Variants in ARHGAP24 observed in about 807,000 individuals in gnomAD.
ARHGAP24 encodes rho GTPase-activating protein 24.
A neutral mutation model predicts 76.4 loss-of-function variants in ARHGAP24; 50 were observed. That is an observed-to-expected ratio of 0.65 (90% CI 0.52 to 0.83). The LOEUF is 0.83. ARHGAP24 is among the 40% of genes least tolerant of loss of function. The probability of loss-of-function intolerance (pLI) is 0.00; values close to 1 mark genes in which losing one functional copy is unlikely to be tolerated. For synonymous variants in ARHGAP24, 345 were observed against 323.3 expected (o/e 1.07, Z -0.72); for missense variants, 930 against 914.2 (o/e 1.02, Z -0.22).
chr4:85,568,876 T>C (rs922298428), intron 1 of ARHGAP24, among the ~76,000 whole-genome samples: 4 of 152,180 alleles, frequency 2.6e-5, no homozygotes, highest in Non-Finnish European at 4.4e-5. Flanking sequence ...TAGTGATAGA[T>C]TGAAATATAT....
At chr4:85,961,432 A>G (rs1477513524) in intron 5 of ARHGAP24, among the ~76,000 whole-genome samples, 1 of 152,056 alleles carries the variant, frequency 6.6e-6, no homozygotes, top group African/African-American at 2.4e-5. Context: ...GCGTAAAACT[A>G]GGCTTCTAGT....
intron 3 of ARHGAP24, among the ~76,000 whole-genome samples, chr4:85,754,781 A>C (rs930592353): frequency 2.6e-5 from 4 of 152,254 alleles, no homozygotes; most frequent in African/African-American, 7.2e-5. Context: ...TGGAAAGGGC[A>C]TGAACTTAGA....
chr4:85,586,699 A>G (rs1578057590), intron 2 of ARHGAP24, among the ~76,000 whole-genome samples: 1 of 152,046 alleles, frequency 6.6e-6, no homozygotes, highest in Non-Finnish European at 1.5e-5. Context: ...GGAGCTGGAG[A>G]CCAGCCTGGC....
intron 1 of ARHGAP24, among the ~76,000 whole-genome samples, chr4:85,565,068 T>C (rs1726785009): frequency 6.6e-6 from 1 of 150,682 alleles, no homozygotes; most frequent in African/African-American, 2.4e-5. Flanking sequence ...CTCATTTCTT[T>C]TGTAAGTTTT....
rs546292039 is a variant in ARHGAP24, at chr4:85,772,206, G to A, written c.268+50234G>A. ...TGATACTATCATCGTCTTTAGGTCA[G>A]TATTAATTCCCACTTCATAGGTAGG... On this transcript the variant is annotated intron_variant, in intron 3 of 9. Coordinates refer to ENST00000395184, the MANE Select transcript of ARHGAP24 (RefSeq NM_001025616.3). Among the ~76,000 whole-genome samples the A allele has an allele frequency of 3.5e-4, 54 of 152,288 alleles. 1 individual carries two copies. Among genetic ancestry groups the A allele is most frequent in the Admixed American group, 3.3e-3 (50 of 15,290 alleles).
intron 2 of ARHGAP24, among the ~76,000 whole-genome samples, chr4:85,663,968 G>T (rs1032180509): frequency 1.3e-5 from 2 of 151,810 alleles, no homozygotes; most frequent in Non-Finnish European, 2.9e-5. Flanking sequence ...AAGGATATTG[G>T]TCTAAAATTC....
intron 2 of ARHGAP24, among the ~76,000 whole-genome samples, chr4:85,700,329 G>A (rs777633475): frequency 6.6e-6 from 1 of 151,630 alleles, no homozygotes; most frequent in Non-Finnish European, 1.5e-5. Context: ...CCGGGAGGTG[G>A]AAGTTGCAGT....
At chr4:85,631,281 T>C (rs1156705575) in intron 2 of ARHGAP24, among the ~76,000 whole-genome samples, 1 of 152,186 alleles carries the variant, frequency 6.6e-6, no homozygotes, top group Non-Finnish European at 1.5e-5. Context: ...TAATTCTCTA[T>C]GTTTTACAAT....
At chr4:85,863,337 A>G (rs1732009477) in intron 3 of ARHGAP24, among the ~76,000 whole-genome samples, 1 of 152,026 alleles carries the variant, frequency 6.6e-6, no homozygotes, top group Non-Finnish European at 1.5e-5. Context: ...ATTTTCTATC[A>G]CAGAACCCGA....
intron 1 of ARHGAP24, among the ~76,000 whole-genome samples, chr4:85,543,438 A>G (rs1725787035): frequency 6.6e-6 from 1 of 152,178 alleles, no homozygotes; most frequent in South Asian, 2.1e-4. Context: ...GACAGACTAA[A>G]GAAATGTTTT....
At chr4:85,761,879 CA>C (rs1726748799) in intron 3 of ARHGAP24, among the ~76,000 whole-genome samples, 1 of 152,144 alleles carries the variant, frequency 6.6e-6, no homozygotes, top group South Asian at 2.1e-4. Flanking sequence ...ACTGAACCAA[CA>C]AATGGTTTTA....
intron 1 of ARHGAP24, among the ~76,000 whole-genome samples, chr4:85,523,633 A>G (rs964042377): frequency 6.6e-6 from 1 of 152,194 alleles, no homozygotes; most frequent in Non-Finnish European, 1.5e-5. Context: ...GCCCAAGACT[A>G]CTTAGTGGAG....
At chr4:85,860,849 T>C (rs979578168) in intron 3 of ARHGAP24, among the ~76,000 whole-genome samples, 1 of 152,044 alleles carries the variant, frequency 6.6e-6, no homozygotes, top group African/African-American at 2.4e-5. Context: ...AAATCTTTTC[T>C]TACTGATATT....
intron 2 of ARHGAP24, among the ~76,000 whole-genome samples, chr4:85,619,061 TC>T (rs2110001720): frequency 6.6e-6 from 1 of 152,230 alleles, no homozygotes; most frequent in East Asian, 1.9e-4. Flanking sequence ...ATGGAGCTTT[TC>T]CCCTATGTTT....
intron 3 of ARHGAP24, among the ~76,000 whole-genome samples, chr4:85,753,377 A>G (rs1316624187): frequency 3.3e-5 from 5 of 152,176 alleles, no homozygotes; most frequent in Admixed American, 6.5e-5. Context: ...TCAAGTACAT[A>G]TATTTATAAT....
intron 2 of ARHGAP24, among the ~76,000 whole-genome samples, chr4:85,663,909 G>A (rs1722505671): frequency 6.6e-6 from 1 of 151,364 alleles, no homozygotes; most frequent in African/African-American, 2.4e-5. Flanking sequence ...TGTGCTGCTG[G>A]ATTCAGTTTG....
intron 3 of ARHGAP24, among the ~76,000 whole-genome samples, chr4:85,722,831 G>A (rs1725006481): frequency 6.6e-6 from 1 of 152,130 alleles, no homozygotes; most frequent in South Asian, 2.1e-4. Context: ...TAAGTAATGT[G>A]GAGTTCTTAT....
chr4:85,537,853 G>A (rs564652146), intron 1 of ARHGAP24, among the ~76,000 whole-genome samples: 73 of 152,248 alleles, frequency 4.8e-4, no homozygotes, highest in African/African-American at 1.6e-3. Flanking sequence ...GATATGGTGC[G>A]TACAAGTCAT....
intron 2 of ARHGAP24, among the ~76,000 whole-genome samples, chr4:85,684,379 A>G (rs957503422): frequency 4.6e-5 from 7 of 152,084 alleles, no homozygotes; most frequent in Admixed American, 6.6e-5. Context: ...AATATATTAC[A>G]TTTTAATTTT....
Sources: allele counts gnomAD v4.1 joint callset (sites outside exome capture counted in the v4.1 genomes callset), GRCh38; gene constraint gnomAD v4.1.1; transcripts MANE v1.5; gene names NCBI Gene and HGNC (gene_info 2026-07-23, HGNC 2026-07-21).